The following DSG3 variants were observed in gnomAD, a reference collection of about 807,000 sequenced individuals.
DSG3 encodes the protein desmoglein 3.
In DSG3, 63 loss-of-function variants were observed where a neutral mutation model predicts 85.9. The ratio of observed to expected loss-of-function variants is 0.73; its 90% confidence interval spans 0.60 to 0.90. DSG3 has a LOEUF of 0.90. DSG3 is among the 40% of genes least tolerant of loss of function. DSG3 has a pLI of 0.00. For synonymous variants in DSG3, 447 were observed against 441.9 expected, an observed-to-expected ratio of 1.01 and a Z score of -0.14; for missense variants, 1,220 against 1,219.9, an observed-to-expected ratio of 1.00 and a Z score of 0.00.
At chr18:31,470,220 TCA>T (rs1188133948) in intron 12 of DSG3, among the ~76,000 whole-genome samples, 1 of 152,082 alleles carries the variant, frequency 6.6e-6, no homozygotes, top group African/African-American at 2.4e-5. Flanking sequence ...ATTATAAAAA[TCA>T]CAGTTTTAGA....
At position 31,466,553 on chromosome 18, in the gene DSG3, G is replaced by A. The variant is rs1467512450; in HGVS notation, c.1435G>A (p.Gly479Ser). The A allele has an allele frequency of 6.2e-7, 1 of 1,614,046 alleles. No homozygotes were observed. Among genetic ancestry groups the A allele is most frequent in the Non-Finnish European group, 8.5e-7 (1 of 1,180,028 alleles). Residue 479 changes from glycine (G) to serine (S), a missense_variant, in exon 11 of 16, where the codon GGC becomes AGC. Physicochemically the swap from Gly to Ser is moderately conservative, Grantham distance 56 (BLOSUM62 0). Coordinates refer to ENST00000257189, the MANE Select transcript of DSG3 (RefSeq NM_001944.3). The part of the protein sequence containing the change: ...IDEYTGKTST[G>S]TVYVRVPDFN... ...AGAATACACGGGTAAAACTTCTACAGGCACGGTATATGTTAGAGTACCCGA... is the reference window on the plus strand; with the variant it reads ...AGAATACACGGGTAAAACTTCTACAAGCACGGTATATGTTAGAGTACCCGA...
intron 1 of DSG3, among the ~76,000 whole-genome samples, chr18:31,450,883 C>G (rs1479494707): frequency 6.6e-6 from 1 of 152,166 alleles, no homozygotes; most frequent in Admixed American, 6.5e-5. Context: ...TTCTTGATAA[C>G]TTCTTCACAT....
At chr18:31,454,046 A>G (rs1054088866) in intron 1 of DSG3, among the ~76,000 whole-genome samples, 1 of 152,214 alleles carries the variant, frequency 6.6e-6, no homozygotes, top group Admixed American at 6.5e-5. Context: ...TTTTAAAAAA[A>G]TACTATTCTA....
Position 31,469,203 on chromosome 18 carries a change from T to C in DSG3, c.1751T>C (p.Leu584Pro). The change falls in exon 12 of 16, where the codon CTG becomes CCG. Residue 584 changes from leucine (L) to proline (P), a missense_variant. Leu to Pro is a moderately conservative substitution (Grantham distance 98, BLOSUM62 -3). Coordinates refer to ENST00000257189, the MANE Select transcript of DSG3 (RefSeq NM_001944.3). ...NRCEMPRSLT[L>P]EVCQCDNRGI... ...TGTGAGATGCCACGCAGCTTGACAC[T>C]GGAAGTCTGTCAGTGTGACAACAGG... The C allele has an allele frequency of 6.2e-7, 1 of 1,614,210 alleles. No homozygotes were observed. The highest frequency in any genetic ancestry group is 8.5e-7 in the Non-Finnish European group (1 of 1,180,042).
intron 8 of DSG3, among the ~76,000 whole-genome samples, chr18:31,462,222 C>G (rs73414209): frequency 1.3e-5 from 2 of 152,052 alleles, no homozygotes; most frequent in African/African-American, 2.4e-5. Flanking sequence ...GCATCATGTG[C>G]CATCATGCCC....
intron 10 of DSG3, among the ~76,000 whole-genome samples, 167 bp downstream of exon 10, chr18:31,465,624 A>C (rs901171950): frequency 1.3e-5 from 2 of 152,194 alleles, no homozygotes; most frequent in African/African-American, 4.8e-5. Context: ...GGGAGAGAAA[A>C]CTAAGAGTTT....
chr18:31,472,551 A>G, intron 13 of DSG3, 128 bp downstream of exon 13: 1 of 1,288,730 alleles, frequency 7.8e-7, no homozygotes, highest in Non-Finnish European at 1.1e-6. Flanking sequence ...GAATAGATGG[A>G]GGCTTTTAGG....
At chr18:31,450,228 G>A (rs903526861) in intron 1 of DSG3, among the ~76,000 whole-genome samples, 2 of 152,166 alleles carry the variant, frequency 1.3e-5, no homozygotes, top group African/African-American at 4.8e-5. Context: ...GAGCTGATTT[G>A]GGATAAGTAT....
At chr18:31,464,758 G>A (rs1182116919) in intron 9 of DSG3, among the ~76,000 whole-genome samples, 6 of 152,034 alleles carry the variant, frequency 3.9e-5, no homozygotes, top group South Asian at 2.1e-4. Flanking sequence ...AAAATATAAC[G>A]GCACCATGCA....
rs181938639 is a variant in DSG3, at chr18:31,476,756, G to A, written c.*496G>A. ...AGGTGGATCATGAGGTCAGGAGATC[G>A]AGACCATCCTGGCTAACAAGGTGAA... On this transcript the variant is annotated 3_prime_UTR_variant, in exon 16 of 16. Transcript: ENST00000257189. 0.018 allele frequency: 2,725 copies of A among 152,288 alleles called. 55 individuals carry two copies. Among genetic ancestry groups the A allele is most frequent in the South Asian group, 0.1 (488 of 4,804 alleles). 9.4% of individuals were successfully genotyped at this position (152,288 alleles called of 1,614,324 possible). A position where few individuals can be genotyped will look rare whatever the true frequency, so the allele number is the denominator to read the frequency against.
chr18:31,453,831 T>C (rs1351497340), intron 1 of DSG3, among the ~76,000 whole-genome samples: 2 of 152,100 alleles, frequency 1.3e-5, no homozygotes, highest in Non-Finnish European at 2.9e-5. Flanking sequence ...GAAAACTATG[T>C]AAATATTTAT....
chr18:31,452,580 A>G (rs2072718507), intron 1 of DSG3, among the ~76,000 whole-genome samples: 1 of 151,644 alleles, frequency 6.6e-6, no homozygotes, highest in Non-Finnish European at 1.5e-5. Context: ...TTGGTGACAG[A>G]ATTGGTTAAC....
At chr18:31,458,415 C>A (rs750773958) in intron 3 of DSG3, 30 bp from the exon 4 acceptor site, 2 of 1,606,986 alleles carry the variant, frequency 1.2e-6, no homozygotes, top group Non-Finnish European at 1.7e-6. Context: ...GTGATGGTCA[C>A]CTCAACGTTT....
rs2072863654 is a variant in DSG3 at position 31,472,751 on chromosome 18, T to C, written c.2064T>C (p.Pro688=). 1 of 1,614,074 alleles carries C rather than the reference T, an allele frequency of 6.2e-7. No homozygotes were observed. The change falls in exon 14 of 16, where the codon CCT becomes CCC. Residue 688 remains proline (P), a synonymous_variant. Coordinates refer to ENST00000257189, the MANE Select transcript of DSG3 (RefSeq NM_001944.3). ...AAATCACAAATATTTGTGTGCCTCC[T>C]GTAACAGCCAATGGAGCCGATTTCA... The part of the protein sequence containing the change: ...DKEITNICVP[P]VTANGADFME...
At chr18:31,475,191 A>G (rs2072878798) in intron 15 of DSG3, among the ~76,000 whole-genome samples, 1 of 152,228 alleles carries the variant, frequency 6.6e-6, no homozygotes, top group Admixed American at 6.5e-5. Flanking sequence ...ACCAAAGATT[A>G]GTGGGCAGAG....
At chr18:31,452,374 C>G (rs2072716617) in intron 1 of DSG3, among the ~76,000 whole-genome samples, 1 of 151,974 alleles carries the variant, frequency 6.6e-6, no homozygotes, top group South Asian at 2.1e-4. Context: ...CAAAAATTAG[C>G]TGGGCTTGGT....
At chr18:31,454,033 T>A (rs1001423034) in intron 1 of DSG3, among the ~76,000 whole-genome samples, 17 of 152,124 alleles carry the variant, frequency 1.1e-4, no homozygotes, top group African/African-American at 3.9e-4. Flanking sequence ...ACTAAAATAA[T>A]TTTTTTAAAA....
At position 31,475,993 on chromosome 18, in the gene DSG3, C is replaced by T. The variant is rs553912530; in HGVS notation, c.2733C>T (p.Ser911=). Reference sequence around the variant, plus strand: ...GAAGTCAAGGAGCTTCTGCTTTGTCCACCTCTGGGTCTGTCCAGCCAGCTG... The same window carrying T: ...GAAGTCAAGGAGCTTCTGCTTTGTCTACCTCTGGGTCTGTCCAGCCAGCTG... ...LSGSQGASAL[S]TSGSVQPAVS... is the part of the protein sequence containing the mutation. The change falls in exon 16 of 16, where the codon TCC becomes TCT. Residue 911 remains serine (S), a synonymous_variant. Transcript: ENST00000257189. 5.6e-6 allele frequency: 9 copies of T among 1,614,144 alleles called. No individual in the cohort carries two copies. The highest frequency in any genetic ancestry group is 1.3e-5 in the African/African-American group (1 of 75,028).
At chr18:31,452,512 C>T (rs190105892) in intron 1 of DSG3, among the ~76,000 whole-genome samples, 14 of 102,340 alleles carry the variant, frequency 1.4e-4, no homozygotes, top group Middle Eastern at 7.5e-3. Flanking sequence ...AGCGAGACTC[C>T]GTCTCAAAAA....
Sources: gnomAD v4.1 joint callset for allele counts (sites outside exome capture counted in the v4.1 genomes callset) on GRCh38, gnomAD v4.1.1 for gene constraint, MANE v1.5 for transcripts, NCBI Gene and HGNC (gene_info 2026-07-23, HGNC 2026-07-21) for gene names.